Variants in EYS observed in about 807,000 individuals in gnomAD.
EYS encodes the protein EGF-like photoreceptor maintenance factor, also known as protein eyes shut homolog.
Under a neutral mutation model 282.1 loss-of-function variants are expected in EYS, and 250 were observed. That is an observed-to-expected ratio of 0.89 (90% confidence interval 0.80 to 0.98). The LOEUF is 0.98. EYS is among the 50% of genes least tolerant of loss of function. EYS has a pLI of 0.00. For synonymous variants in EYS, 1,355 were observed against 1,282.9 expected (o/e 1.06, Z -1.20); for missense variants, 4,016 against 3,709.0 (o/e 1.08, Z -2.15).
chr6:65,560,886 T>C (rs1039707697), intron 2 of EYS, among the ~76,000 whole-genome samples: 2 of 152,106 alleles, frequency 1.3e-5, no homozygotes, highest in African/African-American at 4.8e-5. Flanking sequence ...TTGTTGTAAG[T>C]TGCAGAGAGA....
chr6:64,881,306 T>C (rs1016963916), intron 19 of EYS, among the ~76,000 whole-genome samples: 1 of 151,800 alleles, frequency 6.6e-6, no homozygotes, highest in Non-Finnish European at 1.5e-5. Flanking sequence ...AAGTTATTGA[T>C]TGTAGTGGCA....
chr6:64,246,975 T>C (rs1216514906), intron 30 of EYS, among the ~76,000 whole-genome samples: 3 of 152,302 alleles, frequency 2.0e-5, no homozygotes, highest in Admixed American at 6.5e-5. Context: ...TTGGAAGTCA[T>C]TGAAGTTTGA....
At chr6:65,590,648 G>A (rs1001365625) in intron 2 of EYS, among the ~76,000 whole-genome samples, 1 of 151,760 alleles carries the variant, frequency 6.6e-6, no homozygotes, top group South Asian at 2.1e-4. Context: ...ATCCCTCTAG[G>A]CCTCTGCTAG....
chr6:63,844,723 A>G (rs553660429), intron 36 of EYS, among the ~76,000 whole-genome samples: 1 of 150,276 alleles, frequency 6.7e-6, no homozygotes, highest in South Asian at 2.1e-4. Context: ...TTTTTCTTGT[A>G]AATTTGTTTA....
rs536284837 is a variant in EYS at position 65,158,536 on chromosome 6, T to G, written c.2024-100809A>C. ...GTTTTAGGCCCTTTGCAAAGAAATATGTTTGTGTTGATAACAGAAAGTCAA... is the reference window on the plus strand; with the variant it reads ...GTTTTAGGCCCTTTGCAAAGAAATAGGTTTGTGTTGATAACAGAAAGTCAA... On this transcript the variant is annotated intron_variant, in intron 12 of 42. Transcript: ENST00000503581. Among the ~76,000 whole-genome samples, 3 of 151,018 alleles carry G rather than the reference T, an allele frequency of 2.0e-5. No individual in the cohort carries two copies. In the South Asian group the frequency reaches 6.2e-4, roughly 31 times the overall value.
At chr6:63,862,422 T>TA (rs200129282) in intron 36 of EYS, among the ~76,000 whole-genome samples, 18,888 of 149,828 alleles carry the variant, frequency 0.13, 1,479 homozygotes, top group African/African-American at 0.22. Flanking sequence ...AATCTTTTTT[T>TA]AAAAAAAAAA....
At chr6:64,332,578 C>A (rs2150391364) in intron 29 of EYS, among the ~76,000 whole-genome samples, 1 of 152,264 alleles carries the variant, frequency 6.6e-6, no homozygotes, top group Admixed American at 6.5e-5. Flanking sequence ...GCAGTGACCA[C>A]AACTCAGGAC....
At chr6:64,558,987 A>G (rs1156735775) in intron 26 of EYS, among the ~76,000 whole-genome samples, 1 of 152,070 alleles carries the variant, frequency 6.6e-6, no homozygotes. Flanking sequence ...CCACAATATA[A>G]CTTGTTAACT....
intron 24 of EYS, among the ~76,000 whole-genome samples, chr6:64,613,966 T>C (rs1399899940): frequency 1.3e-5 from 2 of 152,112 alleles, no homozygotes; most frequent in Non-Finnish European, 2.9e-5. Context: ...ACTCCAGCCC[T>C]GTGTAGATTT....
At chr6:64,511,417 T>G (rs1347888362) in intron 26 of EYS, among the ~76,000 whole-genome samples, 1 of 151,912 alleles carries the variant, frequency 6.6e-6, no homozygotes, top group Non-Finnish European at 1.5e-5. Flanking sequence ...CAAGATGATT[T>G]AGGACAAAGA....
chr6:64,591,435 T>C lies in EYS; in HGVS notation c.4432A>G (p.Ile1478Val), dbSNP rs968087660. The stretch of plus-strand genomic sequence containing the variant: ...AATCTCCAGTGCTCTCTTCTTGAAA[T>C]TAAAGAATCAGCTGAATATTCTTCA... Reference protein sequence around the residue: ...DIEEYSADSLISRREHWRLLS... With the variant: ...DIEEYSADSLVSRREHWRLLS... Residue 1478 changes from isoleucine to valine, a missense_variant, in exon 26 of 43, where the codon ATT becomes GTT. Ile to Val is a conservative substitution (Grantham distance 29). Coordinates refer to ENST00000503581, the MANE Select transcript of EYS (RefSeq NM_001142800.2). 4 of 1,551,220 alleles carry C rather than the reference T, an allele frequency of 2.6e-6. No homozygotes were observed. The African/African-American group carries it at 4.1e-5, about 16-fold the overall frequency.
chr6:64,427,435 C>A (rs1774445199), intron 28 of EYS, among the ~76,000 whole-genome samples: 1 of 152,078 alleles, frequency 6.6e-6, no homozygotes, highest in Admixed American at 6.5e-5. Flanking sequence ...AGTCAATTAA[C>A]TGTGAAGACC....
At chr6:64,536,256 G>C (rs933185503) in intron 26 of EYS, among the ~76,000 whole-genome samples, 22 of 151,756 alleles carry the variant, frequency 1.4e-4, no homozygotes, top group East Asian at 1.9e-4. Context: ...TACCTGCTTC[G>C]GGAAAACAAA....
chr6:64,445,758 A>G (rs1002381519), intron 26 of EYS, among the ~76,000 whole-genome samples: 1 of 152,088 alleles, frequency 6.6e-6, no homozygotes, highest in African/African-American at 2.4e-5. Flanking sequence ...TAATAGGAGG[A>G]AGAAATAACT....
chr6:64,282,201 T>C (rs1359181208), intron 30 of EYS, among the ~76,000 whole-genome samples: 1 of 152,168 alleles, frequency 6.6e-6, no homozygotes, highest in African/African-American at 2.4e-5. Context: ...AGATTGGATT[T>C]GTTCAACTAT....
intron 1 of EYS, among the ~76,000 whole-genome samples, chr6:65,697,835 T>C (rs1322828674): frequency 7.2e-5 from 11 of 152,116 alleles, no homozygotes; most frequent in Admixed American, 4.6e-4. Context: ...GCCTAATAAA[T>C]TGTATCCCTA....
At chr6:65,298,018 T>C (rs1303671731) in intron 11 of EYS, among the ~76,000 whole-genome samples, 2 of 152,072 alleles carry the variant, frequency 1.3e-5, no homozygotes, top group African/African-American at 4.8e-5. Flanking sequence ...GCTTTAGTCA[T>C]AATGCTGTTT....
chr6:65,446,193 T>G (rs1768650283), intron 5 of EYS, among the ~76,000 whole-genome samples: 1 of 151,718 alleles, frequency 6.6e-6, no homozygotes, highest in African/African-American at 2.4e-5. Flanking sequence ...CAAGAGATAA[T>G]ACATCAATAT....
At chr6:64,304,437 C>T (rs183853177) in intron 30 of EYS, among the ~76,000 whole-genome samples, 1 of 152,122 alleles carries the variant, frequency 6.6e-6, no homozygotes, top group African/African-American at 2.4e-5. Flanking sequence ...CCAACTAGAT[C>T]TAACAGACAT....
Sources: allele counts gnomAD v4.1 joint callset (sites outside exome capture counted in the v4.1 genomes callset), GRCh38; gene constraint gnomAD v4.1.1; transcripts MANE v1.5; gene names NCBI Gene and HGNC (gene_info 2026-07-23, HGNC 2026-07-21).